The following ZFHX3 variants were observed in gnomAD, a reference collection of about 807,000 sequenced individuals.
ZFHX3 encodes the protein zinc finger homeobox 3.
A neutral mutation model predicts 279.1 loss-of-function variants in ZFHX3; 42 were observed. That is an observed-to-expected ratio of 0.15 (90% CI 0.12 to 0.19). The LOEUF (loss-of-function observed/expected upper bound fraction) is 0.19. ZFHX3 is among the 10% of genes least tolerant of loss of function. ZFHX3 has a pLI of 1.00. For synonymous variants in ZFHX3, 2,293 were observed against 1,957.8 expected, an observed-to-expected ratio of 1.17 and a Z score of -4.52; for missense variants, 4,981 against 4,754.0, an observed-to-expected ratio of 1.05 and a Z score of -1.40.
At position 73,249,867 on chromosome 16, in the gene ZFHX3, T is replaced by G. The variant is rs557514445; in HGVS notation, c.-1104+7180A>C. Among the ~76,000 whole-genome samples the G allele has an allele frequency of 1.5e-4, 22 of 143,364 alleles. No individual in the cohort carries two copies. The South Asian group carries it at 4.4e-3, about 29-fold the overall frequency. 94.1% of individuals were successfully genotyped at this position (143,364 alleles called of 152,430 possible). On this transcript the variant is annotated intron_variant, in intron 5 of 17. Transcript: ENST00000641206. Reference sequence around the variant, plus strand: ...ACACACACAAAATTCAAAAGACCAATCAGTGCAATTAAGGAAATGCAAATT... The same window carrying G: ...ACACACACAAAATTCAAAAGACCAAGCAGTGCAATTAAGGAAATGCAAATT...
chr16:73,345,213 T>C (rs1243555846), intron 3 of ZFHX3, among the ~76,000 whole-genome samples: 4 of 152,158 alleles, frequency 2.6e-5, no homozygotes, highest in Admixed American at 6.5e-5. Context: ...AAAAGTCTTA[T>C]TTTGTTATTT....
chr16:73,712,650 T>C (rs1465090784), intron 1 of ZFHX3, among the ~76,000 whole-genome samples: 4 of 152,194 alleles, frequency 2.6e-5, no homozygotes, highest in Non-Finnish European at 5.9e-5. Flanking sequence ...CCTGAAGGAC[T>C]TGCCCTCTTT....
chr16:72,813,043 A>C (rs1370138206), intron 5 of ZFHX3, among the ~76,000 whole-genome samples: 1 of 152,204 alleles, frequency 6.6e-6, no homozygotes, highest in Non-Finnish European at 1.5e-5. Context: ...TATCCAGGAT[A>C]AGCAAGGCTC....
At chr16:73,141,229 T>C (rs1966847116) in intron 6 of ZFHX3, among the ~76,000 whole-genome samples, 1 of 152,208 alleles carries the variant, frequency 6.6e-6, no homozygotes, top group African/African-American at 2.4e-5. Context: ...TTAGAGATTG[T>C]ATCAGTGGGA....
intron 3 of ZFHX3, among the ~76,000 whole-genome samples, chr16:73,414,742 G>A (rs1417718285): frequency 6.6e-6 from 1 of 152,156 alleles, no homozygotes. Flanking sequence ...TGAGGCTGAG[G>A]TGGGAAGAAC....
chr16:73,371,915 A>G (rs951691780), intron 3 of ZFHX3, among the ~76,000 whole-genome samples: 1 of 152,200 alleles, frequency 6.6e-6, no homozygotes, highest in Non-Finnish European at 1.5e-5. Flanking sequence ...TTCAGTGGCT[A>G]TGAGCCCCCT....
intron 5 of ZFHX3, among the ~76,000 whole-genome samples, chr16:73,205,896 C>A (rs2144904608): frequency 6.6e-6 from 1 of 152,308 alleles, no homozygotes; most frequent in South Asian, 2.1e-4. Flanking sequence ...ATTATACCAT[C>A]ACTCTAACAT....
At position 72,783,989 on chromosome 16, in the gene ZFHX3, G is replaced by A. The variant is rs928190623; in HGVS notation, c.*3175C>T. On this transcript the variant is annotated 3_prime_UTR_variant, in exon 10 of 10. Coordinates refer to ENST00000268489, the MANE Select transcript of ZFHX3 (RefSeq NM_006885.4). ...TCACTGACTGCTTTGCTACTTCTGG[G>A]TTAGTGCTGAGAATTATTCTTACTT... is the stretch of plus-strand genomic sequence containing the variant. 1 of 152,174 alleles carries A rather than the reference G, an allele frequency of 6.6e-6. No homozygotes were observed. Among genetic ancestry groups the A allele is most frequent in the Non-Finnish European group, 1.5e-5 (1 of 68,004 alleles). 9.4% of individuals were successfully genotyped at this position (152,174 alleles called of 1,614,324 possible).
intron 3 of ZFHX3, among the ~76,000 whole-genome samples, chr16:73,322,795 A>G (rs1297449697): frequency 2.0e-5 from 3 of 152,258 alleles, no homozygotes. Context: ...CAAAGTGCTA[A>G]GAAGTATAAA....
At chr16:72,886,238 C>A (rs1442308461) in intron 4 of ZFHX3, among the ~76,000 whole-genome samples, 1 of 152,126 alleles carries the variant, frequency 6.6e-6, no homozygotes, top group Non-Finnish European at 1.5e-5. Flanking sequence ...ATGGACCGAA[C>A]TGGAGCCTGT....
chr16:73,220,299 C>A (rs1170657475), intron 5 of ZFHX3, among the ~76,000 whole-genome samples: 1 of 151,902 alleles, frequency 6.6e-6, no homozygotes, highest in African/African-American at 2.4e-5. Context: ...CCTCATCTCA[C>A]AATACTTTCA....
chr16:73,884,890 A>G (rs959683336), intron 1 of ZFHX3, among the ~76,000 whole-genome samples: 2 of 152,204 alleles, frequency 1.3e-5, no homozygotes, highest in African/African-American at 4.8e-5. Flanking sequence ...AATTAGCTGC[A>G]AATGCCTTAT....
At chr16:73,598,382 G>A (rs879928587) in intron 2 of ZFHX3, among the ~76,000 whole-genome samples, 4 of 151,230 alleles carry the variant, frequency 2.6e-5, no homozygotes, top group South Asian at 2.1e-4. Context: ...AGAGTAGGCT[G>A]TAAATTTCAC....
chr16:73,685,121 T>TC (rs2053068005), intron 1 of ZFHX3, among the ~76,000 whole-genome samples: 1 of 151,872 alleles, frequency 6.6e-6, no homozygotes, highest in Non-Finnish European at 1.5e-5. Flanking sequence ...TTCAAGTGAT[T>TC]CCCTTGCCTC....
chr16:73,591,766 C>T (rs947157533), intron 2 of ZFHX3, among the ~76,000 whole-genome samples: 2 of 147,230 alleles, frequency 1.4e-5, no homozygotes, highest in African/African-American at 5.0e-5. Flanking sequence ...ATCAAAAGAG[C>T]CTCAGGAGAT....
chr16:73,595,512 G>A (rs909270038), intron 2 of ZFHX3, among the ~76,000 whole-genome samples: 8 of 151,848 alleles, frequency 5.3e-5, no homozygotes, highest in Non-Finnish European at 7.4e-5. Context: ...TTCCCTTCAC[G>A]GGCTCATTCC....
chr16:73,078,413 G>A (rs1223868233), intron 8 of ZFHX3, among the ~76,000 whole-genome samples: 1 of 152,096 alleles, frequency 6.6e-6, no homozygotes, highest in Non-Finnish European at 1.5e-5. Flanking sequence ...AGGGCTTGGG[G>A]TTCCTAAGCT....
Position 72,958,359 on chromosome 16 carries a change from T to C in ZFHX3, c.1787A>G (p.Asn596Ser), listed in dbSNP as rs1342834308. The C allele has an allele frequency of 3.1e-6, 5 of 1,614,128 alleles. No homozygotes were observed. Among genetic ancestry groups the C allele is most frequent in the Non-Finnish European group, 4.2e-6 (5 of 1,180,000 alleles). The change falls in exon 2 of 10, where the codon AAT (asparagine) becomes AGT (serine). Residue 596 changes from asparagine to serine, a missense_variant. By Grantham distance (46) the Asn-to-Ser change is conservative. This residue lies in a region of ZFHX3 where 1,068 missense variants were observed against 935.2 expected (regional missense o/e 1.14). Coordinates refer to ENST00000268489, the MANE Select transcript of ZFHX3 (RefSeq NM_006885.4). Reference sequence around the variant, plus strand: ...TTCTGGTGCTGTGGCATTGTCTTTATTGGCACTTTCGTCAGCGAAGTCCAG... The same window carrying C: ...TTCTGGTGCTGTGGCATTGTCTTTACTGGCACTTTCGTCAGCGAAGTCCAG... ...RRLDFADESANKDNATAPEPN... is the reference protein window; with the variant it reads ...RRLDFADESASKDNATAPEPN...
chr16:73,820,278 G>T (rs1008245717), intron 1 of ZFHX3, among the ~76,000 whole-genome samples: 1 of 152,090 alleles, frequency 6.6e-6, no homozygotes, highest in Admixed American at 6.5e-5. Flanking sequence ...TTTTAGTAAA[G>T]ACAGGGTTTC....
Sources: allele counts gnomAD v4.1 joint callset (sites outside exome capture counted in the v4.1 genomes callset), GRCh38; gene constraint gnomAD v4.1.1; regional missense constraint gnomAD v4.1.1; transcripts MANE v1.5; gene names NCBI Gene and HGNC (gene_info 2026-07-23, HGNC 2026-07-21).